Variants in XG observed in about 807,000 individuals in gnomAD.
The protein encoded by XG is glycoprotein Xg.
Under a neutral mutation model 25.7 loss-of-function variants are expected in XG, and 24 were observed. The observed-to-expected ratio is 0.93, with a 90% CI of 0.68 to 1.31. XG has a LOEUF of 1.31. Ranked by LOEUF, XG falls within the 40% of genes most tolerant of loss-of-function variation. XG has a pLI of 0.00. For synonymous variants in XG, 77 were observed against 69.2 expected, an observed-to-expected ratio of 1.11 and a Z score of -0.56; for missense variants, 181 against 187.6, an observed-to-expected ratio of 0.96 and a Z score of 0.21.
At chrX:2,807,596 T>G (rs1295984350) in intron 8 of XG, among the ~76,000 whole-genome samples, 5 of 112,557 alleles carry the variant, frequency 4.4e-5, no homozygotes, top group African/African-American at 1.6e-4. Context: ...GTTGCCTGTG[T>G]GTGTGGTATG....
intron 7 of XG, among the ~76,000 whole-genome samples, chrX:2,803,597 A>G (rs2147088596): frequency 9.1e-6 from 1 of 109,592 alleles, no homozygotes; most frequent in South Asian, 4.1e-4. Flanking sequence ...AGAGGGAACC[A>G]TAGGGGGGTG....
chrX:2,753,933 A>G (rs2050382027), intron 1 of XG, among the ~76,000 whole-genome samples: 1 of 152,166 alleles, frequency 6.6e-6, no homozygotes, highest in African/African-American at 2.4e-5. Flanking sequence ...TATGTGAGGT[A>G]TGCAACACCT....
rs189638265 is a variant in XG at position 2,806,864 on chromosome X, G to A, written c.418+119G>A. ...TCATCCAGTGCACAACCAACTGGCCGTTCGAGTCTCTCATTTGCATTTTCC... is the reference window on the plus strand; with the variant it reads ...TCATCCAGTGCACAACCAACTGGCCATTCGAGTCTCTCATTTGCATTTTCC... On this transcript the variant is annotated intron_variant, in intron 8 of 10. Transcript: ENST00000644266. 298 of 582,236 alleles carry A rather than the reference G, an allele frequency of 5.1e-4. 1 individual carries two copies. In the African/African-American group the frequency reaches 5.4e-3, roughly 10 times the overall value. The allele number at this position is 582,236 out of a possible 1,213,427, so 48.0% of individuals were successfully genotyped here.
chrX:2,786,513 C>G (rs1434913469), intron 4 of XG, among the ~76,000 whole-genome samples: 1 of 109,473 alleles, frequency 9.1e-6, no homozygotes, highest in East Asian at 2.9e-4. Context: ...GGTGATCTGC[C>G]CACCTTGGCC....
In XG at chrX:2,782,027, A is replaced by AT. The variant is rs779733169; in HGVS notation, c.128-35dup. 3 of 1,188,762 alleles carry AT rather than the reference A, an allele frequency of 2.5e-6. No individual in the cohort carries two copies. The African/African-American group carries it at 5.3e-5, about 21-fold the overall frequency. On this transcript the variant is annotated intron_variant, in intron 3 of 10. Transcript: ENST00000644266. ...GCAGCCTGCTCCTAAGGGAAGGACA[A>AT]TTTTCTTTTCTAACAGTGCAATGTT...
At chrX:2,773,458 A>G (rs1300989092) in intron 2 of XG, among the ~76,000 whole-genome samples, 5 of 134,104 alleles carry the variant, frequency 3.7e-5, no homozygotes, top group African/African-American at 1.4e-4. Flanking sequence ...GAGGAAGGAA[A>G]GAAGAAGGGG....
chrX:2,793,835 G>A lies in XG; in HGVS notation c.254-700G>A, dbSNP rs770667687. 2.3e-4 allele frequency among the ~76,000 whole-genome samples: 26 copies of A among 111,908 alleles called. 1 individual carries two copies. The South Asian group carries it at 4.8e-3, about 21-fold the overall frequency. On this transcript the variant is annotated intron_variant, in intron 5 of 10. Transcript: ENST00000644266. ...GGGGAATCGGCCACTGCCAACGTGA[G>A]GGCTGGGGTTAGGAGCATGCCTATG...
At chrX:2,774,817 T>C (rs2050939533) in intron 3 of XG, 78 bp downstream of exon 3, 2 of 1,568,084 alleles carry the variant, frequency 1.3e-6, no homozygotes, top group African/African-American at 2.7e-5. Context: ...TTGAGGATGT[T>C]TTACAGAACT....
At chrX:2,760,013 T>C (rs937677295) in intron 1 of XG, among the ~76,000 whole-genome samples, 4 of 152,176 alleles carry the variant, frequency 2.6e-5, no homozygotes, top group African/African-American at 9.7e-5. Flanking sequence ...GATCCAGGCA[T>C]GGAGGCGTGT....
intron 5 of XG, among the ~76,000 whole-genome samples, chrX:2,793,543 G>T (rs756078868): frequency 1.8e-5 from 2 of 112,309 alleles, no homozygotes; most frequent in African/African-American, 6.5e-5. Flanking sequence ...CTCTCTCAGC[G>T]TGGATTCTCA....
At chrX:2,787,302 G>A (rs951296892) in intron 4 of XG, among the ~76,000 whole-genome samples, 1 of 111,730 alleles carries the variant, frequency 9.0e-6, no homozygotes, top group African/African-American at 3.3e-5. Context: ...ACCCTGTGAG[G>A]ACACAGGGAG....
Position 2,794,556 on chromosome X carries a change from G to A in XG, c.275G>A (p.Arg92His), listed in dbSNP as rs780841082. 1.7e-6 allele frequency: 2 copies of A among 1,211,670 alleles called. No homozygotes were observed. Among genetic ancestry groups the A allele is most frequent in the Non-Finnish European group, 2.2e-6 (2 of 895,414 alleles). Residue 92 changes from arginine to histidine, a missense_variant, in exon 6 of 11, where the codon CGT becomes CAT. Transcript: ENST00000644266. ...ACAGGTTACTTCAATGATGTGGACC[G>A]TGATGACGGACGCTACCCGCCCAGG... ...NSGGYFNDVD[R>H]DDGRYPPRPR...
At chrX:2,771,274 T>C in intron 2 of XG, among the ~76,000 whole-genome samples, 1 of 152,208 alleles carries the variant, frequency 6.6e-6, no homozygotes, top group Admixed American at 6.5e-5. Flanking sequence ...ATATCCCTCA[T>C]TGTCCCATAC....
chrX:2,774,051 G>C (rs1451644190), intron 2 of XG, among the ~76,000 whole-genome samples: 5 of 152,134 alleles, frequency 3.3e-5, no homozygotes, highest in Admixed American at 3.3e-4. Flanking sequence ...CCAAGGCAAT[G>C]CTAGGCTGTT....
In XG at chrX:2,782,066, A is replaced by T; in HGVS notation, c.128A>T (p.Asp43Val). 8.3e-7 allele frequency: 1 copy of T among 1,211,026 alleles called. No individual in the cohort carries two copies. The highest frequency in any genetic ancestry group is 1.1e-6 in the Non-Finnish European group (1 of 894,930). The change falls in exon 4 of 11, where the codon GAT becomes GTT. Residue 43 changes from aspartate (D) to valine (V), a missense_variant and splice_region_variant. Transcript: ENST00000644266. Reference sequence around the variant, plus strand: ...CAGTGCAATGTTGTTTCCTCCACAGATATCTACCCAAAGCCAAAACCACCT... The same window carrying T: ...CAGTGCAATGTTGTTTCCTCCACAGTTATCTACCCAAAGCCAAAACCACCT... Reference protein sequence around the residue: ...DPEPTKKPNSDIYPKPKPPYY... With the variant: ...DPEPTKKPNSVIYPKPKPPYY...
chrX:2,805,600 G>A (rs192966236), intron 7 of XG, among the ~76,000 whole-genome samples: 3 of 108,698 alleles, frequency 2.8e-5, no homozygotes, highest in East Asian at 2.9e-4. Context: ...TTCTCTCACC[G>A]TCCTAGAGGC....
intron 8 of XG, among the ~76,000 whole-genome samples, chrX:2,807,420 G>T (rs1295177717): frequency 8.9e-6 from 1 of 112,735 alleles, no homozygotes; most frequent in Non-Finnish European, 1.9e-5. Flanking sequence ...ACATGCGTGT[G>T]TACAGGCATG....
At chrX:2,772,994 T>C (rs2050856195) in intron 2 of XG, among the ~76,000 whole-genome samples, 1 of 150,222 alleles carries the variant, frequency 6.7e-6, no homozygotes, top group Admixed American at 6.7e-5. Context: ...TTTAAGAAAC[T>C]CTGTGAGTGT....
At chrX:2,806,483 C>G (rs1177597542) in intron 7 of XG, among the ~76,000 whole-genome samples, 1 of 111,089 alleles carries the variant, frequency 9.0e-6, no homozygotes, top group Non-Finnish European at 1.9e-5. Flanking sequence ...TCCAGACCCT[C>G]AGGGATGTAC....
Sources: gnomAD v4.1 joint callset for allele counts (sites outside exome capture counted in the v4.1 genomes callset) on GRCh38, gnomAD v4.1.1 for gene constraint, MANE v1.5 for transcripts, NCBI Gene and HGNC (gene_info 2026-07-23, HGNC 2026-07-21) for gene names.